The following CDK14 variants were observed in gnomAD, a reference collection of about 807,000 sequenced individuals.
CDK14 encodes cyclin-dependent kinase 14.
A neutral mutation model predicts 60.7 loss-of-function variants in CDK14; 34 were observed. The observed-to-expected ratio is 0.56, with a 90% confidence interval of 0.43 to 0.75. The LOEUF (loss-of-function observed/expected upper bound fraction) is 0.75. Among genes scored for constraint, CDK14 ranks in the 30% least tolerant of loss-of-function variants. The probability of loss-of-function intolerance (pLI) is 0.00; values close to 1 mark genes in which losing one functional copy is unlikely to be tolerated. For missense variants in CDK14, 482 were observed against 564.1 expected (o/e 0.85, Z 1.47); for synonymous variants, 197 against 203.7 (o/e 0.97, Z 0.28).
intron 5 of CDK14, among the ~76,000 whole-genome samples, chr7:90,812,409 T>A (rs1439828283): frequency 6.6e-6 from 1 of 151,952 alleles, no homozygotes. Flanking sequence ...TAGGTGGTAA[T>A]TGAACAATGA....
intron 2 of CDK14, among the ~76,000 whole-genome samples, chr7:90,711,851 G>C (rs1310067336): frequency 6.8e-6 from 1 of 147,122 alleles, no homozygotes; most frequent in East Asian, 2.0e-4. Context: ...AACAGATCTA[G>C]TCCTGGTTCT....
chr7:91,085,274 G>A (rs889699993), intron 12 of CDK14, among the ~76,000 whole-genome samples: 1 of 152,238 alleles, frequency 6.6e-6, no homozygotes, highest in East Asian at 1.9e-4. Context: ...GCTCATGCAG[G>A]TTGTTGGCAG....
intron 6 of CDK14, among the ~76,000 whole-genome samples, chr7:90,881,700 A>G (rs890770957): frequency 6.6e-6 from 1 of 152,170 alleles, no homozygotes; most frequent in African/African-American, 2.4e-5. Context: ...AGGCCGGGTC[A>G]CCTACAAAGG....
chr7:90,874,691 G>A (rs543250712), intron 6 of CDK14, among the ~76,000 whole-genome samples: 2 of 149,960 alleles, frequency 1.3e-5, no homozygotes, highest in Non-Finnish European at 1.5e-5. Flanking sequence ...ACCGTGCCCG[G>A]CTAATTTTTT....
intron 1 of CDK14, 134 bp from the exon 2 acceptor site, chr7:90,604,084 T>C (rs1799370565): frequency 3.3e-6 from 2 of 598,280 alleles, no homozygotes; most frequent in Non-Finnish European, 5.8e-6. Context: ...CATAACATTG[T>C]TATTCAGGTT....
intron 14 of CDK14, among the ~76,000 whole-genome samples, chr7:91,187,398 C>T (rs1802223755): frequency 6.6e-6 from 1 of 152,158 alleles, no homozygotes; most frequent in East Asian, 1.9e-4. Flanking sequence ...GTTCTTTTCA[C>T]CATTAATCCC....
At chr7:90,891,214 A>G (rs1792114145) in intron 6 of CDK14, among the ~76,000 whole-genome samples, 1 of 152,158 alleles carries the variant, frequency 6.6e-6, no homozygotes, top group Middle Eastern at 3.2e-3. Flanking sequence ...AGTTTTTATA[A>G]TGGGTTCATT....
intron 8 of CDK14, among the ~76,000 whole-genome samples, chr7:90,919,586 C>T (rs1283784538): frequency 6.6e-6 from 1 of 152,120 alleles, no homozygotes; most frequent in African/African-American, 2.4e-5. Flanking sequence ...TAGCTTTCTC[C>T]TGTTCCTTTC....
intron 14 of CDK14, among the ~76,000 whole-genome samples, chr7:91,141,033 A>C (rs1166575874): frequency 6.6e-6 from 1 of 152,198 alleles, no homozygotes; most frequent in Non-Finnish European, 1.5e-5. Context: ...GGACATGAAG[A>C]AAAGGGATTT....
intron 14 of CDK14, among the ~76,000 whole-genome samples, chr7:91,192,308 C>T (rs556935752): frequency 6.6e-6 from 1 of 152,272 alleles, no homozygotes; most frequent in East Asian, 1.9e-4. Context: ...CCATGAGTTG[C>T]TCTTCTAATG....
intron 8 of CDK14, among the ~76,000 whole-genome samples, chr7:90,918,544 T>C (rs911143322): frequency 3.3e-5 from 5 of 152,222 alleles, no homozygotes; most frequent in Non-Finnish European, 7.3e-5. Flanking sequence ...CATTAGAGAT[T>C]GTGTTGAGTT....
intron 2 of CDK14, among the ~76,000 whole-genome samples, chr7:90,635,418 A>T (rs1800118610): frequency 1.3e-5 from 2 of 152,162 alleles, no homozygotes; most frequent in South Asian, 4.1e-4. Flanking sequence ...TGTTTTTCTC[A>T]GGTCTGTCAA....
chr7:90,899,629 T>C (rs545118306), intron 7 of CDK14, among the ~76,000 whole-genome samples: 2 of 152,208 alleles, frequency 1.3e-5, no homozygotes, highest in South Asian at 4.1e-4. Context: ...ACTGGAATCC[T>C]ACTTTTTAAC....
rs1435370089 is a variant in CDK14 at position 91,208,223 on chromosome 7, T to C, written c.*1087T>C. 1 of 152,656 alleles carries C rather than the reference T, an allele frequency of 6.6e-6. No homozygotes were observed. The highest frequency in any genetic ancestry group is 1.5e-5 in the Non-Finnish European group (1 of 68,036). 9.5% of individuals were successfully genotyped at this position (152,656 alleles called of 1,614,324 possible). ...TCTTACTTTAAGACATCTCCTGGAA[T>C]AACTGTTCAAATGCAGGTTTTAGAA... On this transcript the variant is annotated 3_prime_UTR_variant, in exon 15 of 15. Transcript: ENST00000380050.
At chr7:90,921,670 C>A (rs954026713) in intron 8 of CDK14, among the ~76,000 whole-genome samples, 5 of 151,588 alleles carry the variant, frequency 3.3e-5, no homozygotes, top group Admixed American at 6.6e-5. Context: ...TAAAGTTGCC[C>A]CGAGAATGAG....
chr7:90,609,901 G>T (rs941422608), intron 2 of CDK14, among the ~76,000 whole-genome samples: 1 of 152,106 alleles, frequency 6.6e-6, no homozygotes, highest in African/African-American at 2.4e-5. Flanking sequence ...TGATGTATAC[G>T]CTGTCATACA....
At chr7:90,941,082 G>A (rs1057056786) in intron 8 of CDK14, among the ~76,000 whole-genome samples, 25 of 152,176 alleles carry the variant, frequency 1.6e-4, no homozygotes, top group African/African-American at 5.8e-4. Context: ...AAAGTGCTGG[G>A]TGACAAATCA....
chr7:90,619,502 T>A (rs191133322), intron 2 of CDK14, among the ~76,000 whole-genome samples: 1 of 152,224 alleles, frequency 6.6e-6, no homozygotes, highest in Non-Finnish European at 1.5e-5. Flanking sequence ...AGGCCTCAGA[T>A]GAGTATTTTT....
chr7:91,147,629 T>C (rs1800696824), intron 14 of CDK14, among the ~76,000 whole-genome samples: 1 of 152,174 alleles, frequency 6.6e-6, no homozygotes, highest in Non-Finnish European at 1.5e-5. Flanking sequence ...TCCTAACAGA[T>C]TATGTTTGCA....
Sources: allele counts gnomAD v4.1 joint callset (sites outside exome capture counted in the v4.1 genomes callset), GRCh38; gene constraint gnomAD v4.1.1; transcripts MANE v1.5; gene names NCBI Gene and HGNC (gene_info 2026-07-23, HGNC 2026-07-21).